The following PTK7 variants were observed in gnomAD, a reference collection of about 807,000 sequenced individuals.
The protein encoded by PTK7 is protein tyrosine kinase 7 (inactive), also known as inactive tyrosine-protein kinase 7.
Under a neutral mutation model 116.6 loss-of-function variants are expected in PTK7, and 39 were observed. That is an observed-to-expected ratio of 0.33 (90% confidence interval 0.26 to 0.44). The LOEUF (loss-of-function observed/expected upper bound fraction) is 0.44. Among genes scored for constraint, PTK7 ranks in the 20% least tolerant of loss-of-function variants. The pLI is 1.00. For synonymous variants in PTK7, 546 were observed against 563.6 expected (o/e 0.97, Z 0.44); for missense variants, 1,169 against 1,425.6 (o/e 0.82, Z 2.90).
At chr6:43,131,884 C>T in intron 5 of PTK7, 132 bp from the exon 6 acceptor site, 1 of 1,247,972 alleles carries the variant, frequency 8.0e-7, no homozygotes, top group Non-Finnish European at 1.1e-6. Context: ...GTGTCAGCTT[C>T]CTTCTCTCTG....
chr6:43,145,091 A>C lies in PTK7; in HGVS notation c.2408-109A>C. 1 of 958,828 alleles carries C rather than the reference A, an allele frequency of 1.0e-6. No homozygotes were observed. The highest frequency in any genetic ancestry group is 1.5e-6 in the Non-Finnish European group (1 of 650,982). The allele number at this position is 958,828 out of a possible 1,614,324, so 59.4% of individuals were successfully genotyped here. On this transcript the variant is annotated intron_variant, in intron 15 of 19. Transcript: ENST00000230419. This position sits in a 1 kb window ranked among gnomAD's most constrained non-coding sequence, Gnocchi z 4.8. ...CACAGCAGAACCGGGTCTCGTGCCCAGCCCAGGTGGGTGGGTCCCCACTGT... is the reference window on the plus strand; with the variant it reads ...CACAGCAGAACCGGGTCTCGTGCCCCGCCCAGGTGGGTGGGTCCCCACTGT...
Position 43,143,753 on chromosome 6 carries a change from A to C in PTK7, c.2251+133A>C, listed in dbSNP as rs1582193568. On this transcript the variant is annotated intron_variant, in intron 14 of 19. Coordinates refer to ENST00000230419, the MANE Select transcript of PTK7 (RefSeq NM_002821.5). This position sits in a 1 kb window ranked among gnomAD's most constrained non-coding sequence, Gnocchi z 4.2. ...TGGGTCCTGGAGCTGGGACTGCCCC[A>C]CCCCTAGCGGGAAGCCTGGAGTTGG... The C allele has an allele frequency of 1.0e-6, 1 of 977,302 alleles. No homozygotes were observed. The highest frequency in any genetic ancestry group is 1.5e-6 in the Non-Finnish European group (1 of 681,854). 60.5% of individuals were successfully genotyped at this position (977,302 alleles called of 1,614,324 possible). A position where few individuals can be genotyped will look rare whatever the true frequency, so the allele number is the denominator to read the frequency against.
chr6:43,092,378 C>G (rs1168606374), intron 1 of PTK7, among the ~76,000 whole-genome samples: 1 of 151,890 alleles, frequency 6.6e-6, no homozygotes, highest in Non-Finnish European at 1.5e-5. Flanking sequence ...GTTGCCCAGG[C>G]TGATCTTGAA....
chr6:43,115,538 A>G (rs1476684404), intron 1 of PTK7, among the ~76,000 whole-genome samples: 1 of 152,000 alleles, frequency 6.6e-6, no homozygotes, highest in African/African-American at 2.4e-5. Flanking sequence ...CTCCTGCAAG[A>G]TCTGTTCCCC....
At chr6:43,142,150 A>G (rs1397044042) in intron 12 of PTK7, 22 bp from the exon 13 acceptor site, 1 of 1,613,640 alleles carries the variant, frequency 6.2e-7, no homozygotes, top group Non-Finnish European at 8.5e-7. Context: ...GCTGGCCAGC[A>G]CTATGGCTTC....
chr6:43,132,299 A>G (rs1769736278), intron 6 of PTK7, 122 bp from the exon 7 acceptor site: 1 of 1,494,770 alleles, frequency 6.7e-7, no homozygotes, highest in African/African-American at 1.4e-5. Context: ...TAGGAAGAGG[A>G]TATGCAGAGG....
chr6:43,083,430 T>C (rs567628871), intron 1 of PTK7, among the ~76,000 whole-genome samples: 2 of 152,348 alleles, frequency 1.3e-5, no homozygotes, highest in East Asian at 3.9e-4. Context: ...GAGTCCTATG[T>C]TGGAATTCTC....
chr6:43,139,057 A>G lies in PTK7; in HGVS notation c.1362+75A>G, dbSNP rs371060616. The G allele has an allele frequency of 3.0e-5, 49 of 1,609,360 alleles. No homozygotes were observed. Among genetic ancestry groups the G allele is most frequent in the South Asian group, 2.9e-4 (26 of 90,630 alleles). Reference sequence around the variant, plus strand: ...TGCCCTCTTCTGTGCTCACCTCCATAGCACTCTTACCCTGGAGGCAGCCTC... The same window carrying G: ...TGCCCTCTTCTGTGCTCACCTCCATGGCACTCTTACCCTGGAGGCAGCCTC... On this transcript the variant is annotated intron_variant, in intron 8 of 19. Transcript: ENST00000230419. The surrounding 1 kb of genome is among the most constrained non-coding windows in gnomAD (Gnocchi z 4.6).
chr6:43,076,717 G>T lies in PTK7; in HGVS notation c.79+150G>T. 1.5e-6 allele frequency: 2 copies of T among 1,377,876 alleles called. No homozygotes were observed. The highest frequency in any genetic ancestry group is 1.5e-5 in the South Asian group (1 of 65,368). The allele number at this position is 1,377,876 out of a possible 1,614,324, so 85.4% of individuals were successfully genotyped here. A position where few individuals can be genotyped will look rare whatever the true frequency, so the allele number is the denominator to read the frequency against. On this transcript the variant is annotated intron_variant, in intron 1 of 19. Transcript: ENST00000230419. The surrounding 1 kb of genome is among the most constrained non-coding windows in gnomAD (Gnocchi z 5.7). ...GGGGGTGCAGGCTTGCGGCGGAAGG[G>T]CGCAAGGAGCCCGGGTGTCGGGAGG...
intron 1 of PTK7, among the ~76,000 whole-genome samples, chr6:43,108,115 A>C (rs1221728500): frequency 8.6e-6 from 1 of 116,852 alleles, no homozygotes; most frequent in East Asian, 2.3e-4. Context: ...TTTTTTTTTG[A>C]GACAGTCTCG....
intron 1 of PTK7, among the ~76,000 whole-genome samples, chr6:43,077,777 C>T (rs921295947): frequency 1.3e-5 from 2 of 152,196 alleles, no homozygotes; most frequent in Non-Finnish European, 2.9e-5. Flanking sequence ...ATCTTTCTGG[C>T]CTGCCAGCTG....
At chr6:43,134,124 C>T (rs139422675) in intron 7 of PTK7, among the ~76,000 whole-genome samples, 15 of 152,256 alleles carry the variant, frequency 9.9e-5, no homozygotes, top group South Asian at 4.1e-4. Context: ...CTGCAACCTG[C>T]GCCTCCCAGG....
In PTK7 at chr6:43,143,656, G is replaced by A. The variant is rs776936932; in HGVS notation, c.2251+36G>A. ...CTGGACGGGGAGGTGGTGCCCGTGTGCGGGAGCTGAGCGCCCTCCCGCGGC... is the reference window on the plus strand; with the variant it reads ...CTGGACGGGGAGGTGGTGCCCGTGTACGGGAGCTGAGCGCCCTCCCGCGGC... On this transcript the variant is annotated intron_variant, in intron 14 of 19. Transcript: ENST00000230419. The surrounding 1 kb of genome is among the most constrained non-coding windows in gnomAD (Gnocchi z 4.2). 3 of 1,591,436 alleles carry A rather than the reference G, an allele frequency of 1.9e-6. No individual in the cohort carries two copies. Among genetic ancestry groups the A allele is most frequent in the Admixed American group, 3.5e-5 (2 of 56,712 alleles).
intron 1 of PTK7, among the ~76,000 whole-genome samples, chr6:43,097,376 T>C (rs1443711639): frequency 6.6e-6 from 1 of 152,212 alleles, no homozygotes; most frequent in Non-Finnish European, 1.5e-5. Context: ...CAAATATCCT[T>C]GTACCTGTCT....
At chr6:43,135,345 G>T (rs1769965117) in intron 7 of PTK7, among the ~76,000 whole-genome samples, 1 of 152,220 alleles carries the variant, frequency 6.6e-6, no homozygotes, top group African/African-American at 2.4e-5. Context: ...GCTCTTCCCA[G>T]TACTGGATGC....
chr6:43,097,753 G>T (rs1391308844), intron 1 of PTK7, among the ~76,000 whole-genome samples: 1 of 152,218 alleles, frequency 6.6e-6, no homozygotes, highest in Non-Finnish European at 1.5e-5. Context: ...CAGTGTGGGA[G>T]CCCAGTGCCC....
chr6:43,118,653 CTCTCTCTATATATA>C (rs1378124538), intron 1 of PTK7, among the ~76,000 whole-genome samples: 135 of 79,374 alleles, frequency 1.7e-3, no homozygotes, highest in African/African-American at 5.2e-3. Flanking sequence ...CTCTCTCTCT[CTCTCTCTATATATA>C]TATATATATA....
In PTK7 at chr6:43,129,950, A is replaced by G; in HGVS notation, c.470+121A>G. 1 of 1,025,502 alleles carries G rather than the reference A, an allele frequency of 9.8e-7. No homozygotes were observed. Among genetic ancestry groups the G allele is most frequent in the Admixed American group, 2.0e-5 (1 of 48,856 alleles). 63.5% of individuals were successfully genotyped at this position (1,025,502 alleles called of 1,614,324 possible). ...CTGTGACCACTCGTTCCACCACCACAGTGCTCTTCACCCTGCCCTCCCCCA... is the reference window on the plus strand; with the variant it reads ...CTGTGACCACTCGTTCCACCACCACGGTGCTCTTCACCCTGCCCTCCCCCA... On this transcript the variant is annotated intron_variant, in intron 3 of 19. Transcript: ENST00000230419. This position sits in a 1 kb window ranked among gnomAD's most constrained non-coding sequence, Gnocchi z 4.5.
At chr6:43,157,573 A>G (rs1187868546) in intron 17 of PTK7, among the ~76,000 whole-genome samples, 1 of 151,204 alleles carries the variant, frequency 6.6e-6, no homozygotes, top group Non-Finnish European at 1.5e-5. Flanking sequence ...AATGAAAAAG[A>G]AACAACCCAT....
Sources: gnomAD v4.1 joint callset for allele counts (sites outside exome capture counted in the v4.1 genomes callset) on GRCh38, gnomAD v4.1.1 for gene constraint, Gnocchi (gnomAD v3.1) non-coding constraint, MANE v1.5 for transcripts, NCBI Gene and HGNC (gene_info 2026-07-23, HGNC 2026-07-21) for gene names.